KCNAB1: variants seen among roughly 807,000 people sequenced by gnomAD.
KCNAB1 encodes the protein voltage-gated potassium channel subunit beta-1.
A neutral mutation model predicts 64.6 loss-of-function variants in KCNAB1; 35 were observed. The observed-to-expected ratio is 0.54, with a 90% CI of 0.41 to 0.72. KCNAB1 has a LOEUF of 0.72. Among genes scored for constraint, KCNAB1 ranks in the 30% least tolerant of loss-of-function variants. KCNAB1 has a pLI of 0.00. For synonymous variants in KCNAB1, 177 were observed against 183.8 expected (o/e 0.96, Z 0.30); for missense variants, 401 against 512.9 (o/e 0.78, Z 2.11).
intron 12 of KCNAB1, among the ~76,000 whole-genome samples, chr3:156,524,607 C>G (rs1339898747): frequency 6.6e-6 from 1 of 151,788 alleles, no homozygotes. Flanking sequence ...ATTAGCCGGG[C>G]GTGGTGGTGG....
At chr3:156,290,503 T>C (rs1344916570) in intron 1 of KCNAB1, among the ~76,000 whole-genome samples, 1 of 152,238 alleles carries the variant, frequency 6.6e-6, no homozygotes, top group Non-Finnish European at 1.5e-5. Flanking sequence ...TGATGCTTAG[T>C]TTGGTTCAGT....
intron 2 of KCNAB1, among the ~76,000 whole-genome samples, chr3:156,431,586 T>C (rs1479917564): frequency 6.6e-6 from 1 of 152,230 alleles, no homozygotes; most frequent in Admixed American, 6.5e-5. Context: ...TTCATAGGAA[T>C]GCCTTAAGGG....
At chr3:156,322,978 C>T (rs979551119) in intron 1 of KCNAB1, among the ~76,000 whole-genome samples, 5 of 152,088 alleles carry the variant, frequency 3.3e-5, no homozygotes, top group Admixed American at 1.3e-4. Flanking sequence ...ATGATGCTAC[C>T]GATGTGCCAA....
intron 1 of KCNAB1, among the ~76,000 whole-genome samples, chr3:156,358,180 C>A (rs1185613418): frequency 2.6e-5 from 4 of 152,210 alleles, no homozygotes; most frequent in Non-Finnish European, 5.9e-5. Context: ...CACCATAGAT[C>A]TCACTGGAGA....
intron 1 of KCNAB1, among the ~76,000 whole-genome samples, chr3:156,229,029 G>C (rs1560148092): frequency 6.6e-6 from 1 of 152,176 alleles, no homozygotes. Flanking sequence ...CCTCTTCCTT[G>C]TGTGTAAAGG....
chr3:156,291,424 C>T, intron 1 of KCNAB1: 1 of 1,008,298 alleles, frequency 9.9e-7, no homozygotes, highest in Non-Finnish European at 1.2e-6. Flanking sequence ...GCCTGTGGTC[C>T]AGGGGATGCT....
chr3:156,192,370 T>G (rs1196652804), intron 1 of KCNAB1, among the ~76,000 whole-genome samples: 1 of 152,218 alleles, frequency 6.6e-6, no homozygotes, highest in Non-Finnish European at 1.5e-5. Flanking sequence ...GGATTAGATT[T>G]GAATTTTTAA....
chr3:156,241,218 TTTTG>T (rs1684214926), intron 1 of KCNAB1, among the ~76,000 whole-genome samples: 1 of 152,236 alleles, frequency 6.6e-6, no homozygotes, highest in South Asian at 2.1e-4. Context: ...TTTTCCTTCT[TTTTG>T]TTTCTTTCCT....
At chr3:156,365,785 C>G (rs1725907403) in intron 1 of KCNAB1, among the ~76,000 whole-genome samples, 1 of 152,082 alleles carries the variant, frequency 6.6e-6, no homozygotes, top group African/African-American at 2.4e-5. Flanking sequence ...AAAATGAATT[C>G]AAATAAACAA....
intron 1 of KCNAB1, among the ~76,000 whole-genome samples, chr3:156,288,021 C>A (rs1446014143): frequency 6.6e-6 from 1 of 152,166 alleles, no homozygotes; most frequent in Non-Finnish European, 1.5e-5. Context: ...GACTAGGTGG[C>A]TTAAACAACA....
At chr3:156,504,751 GTTTT>G (rs71302274) in intron 8 of KCNAB1, among the ~76,000 whole-genome samples, 6 of 132,752 alleles carry the variant, frequency 4.5e-5, no homozygotes, top group Admixed American at 3.0e-4. Context: ...TGTTTTTTTT[GTTTT>G]TTTTTTTTTG....
chr3:156,132,008 G>A (rs141915825), intron 1 of KCNAB1, among the ~76,000 whole-genome samples: 2 of 152,174 alleles, frequency 1.3e-5, no homozygotes, highest in Non-Finnish European at 2.9e-5. Flanking sequence ...ACATTCAACT[G>A]CAAAGAAGGC....
At chr3:156,245,066 C>T (rs1223656690) in intron 1 of KCNAB1, among the ~76,000 whole-genome samples, 3 of 152,136 alleles carry the variant, frequency 2.0e-5, no homozygotes, top group Admixed American at 1.3e-4. Context: ...TTTTATTTAC[C>T]ATCACCTCTT....
chr3:156,161,992 C>T (rs1414727686), intron 1 of KCNAB1, among the ~76,000 whole-genome samples: 1 of 152,214 alleles, frequency 6.6e-6, no homozygotes, highest in African/African-American at 2.4e-5. Flanking sequence ...CCGAAAACTA[C>T]TCACATAGCA....
At chr3:156,375,143 C>T (rs1420661592) in intron 1 of KCNAB1, among the ~76,000 whole-genome samples, 1 of 135,938 alleles carries the variant, frequency 7.4e-6, no homozygotes, top group Non-Finnish European at 1.5e-5. Context: ...AACAATTTCA[C>T]ATGCATTATC....
chr3:156,153,505 G>A (rs529541897), intron 1 of KCNAB1, among the ~76,000 whole-genome samples: 3 of 152,128 alleles, frequency 2.0e-5, no homozygotes, highest in Non-Finnish European at 4.4e-5. Flanking sequence ...CCAGACATTT[G>A]GTCAAACACT....
rs1470421506 is a variant in KCNAB1 at position 156,291,886 on chromosome 3, C to A, written c.276-129730C>A. ...CTGTGTTCTGGGGTTCTGAGAGGGA[C>A]CGTGCGCTGCCTGGGGAAGCAATGC... On this transcript the variant is annotated intron_variant, in intron 1 of 13. Coordinates refer to ENST00000490337, the MANE Select transcript of KCNAB1 (RefSeq NM_172160.3). 3 of 1,613,738 alleles carry A rather than the reference C, an allele frequency of 1.9e-6. No homozygotes were observed. The South Asian group carries it at 3.3e-5, about 18-fold the overall frequency.
chr3:156,219,308 C>A (rs752911415), intron 1 of KCNAB1, among the ~76,000 whole-genome samples: 2 of 151,568 alleles, frequency 1.3e-5, no homozygotes, highest in African/African-American at 2.4e-5. Context: ...CAGAGAAATG[C>A]AAAATGCCCT....
intron 1 of KCNAB1, among the ~76,000 whole-genome samples, chr3:156,255,509 G>C (rs1381976805): frequency 4.6e-5 from 7 of 152,156 alleles, no homozygotes; most frequent in African/African-American, 1.7e-4. Flanking sequence ...TTCCTGCTTT[G>C]ACCCGAGCCT....
Sources: gnomAD v4.1 joint callset for allele counts (sites outside exome capture counted in the v4.1 genomes callset) on GRCh38, gnomAD v4.1.1 for gene constraint, MANE v1.5 for transcripts, NCBI Gene and HGNC (gene_info 2026-07-23, HGNC 2026-07-21) for gene names.